LRRK2: variants seen among roughly 807,000 people sequenced by gnomAD.
LRRK2 encodes leucine rich repeat kinase 2, also known as leucine-rich repeat serine/threonine-protein kinase 2.
LRRK2 carries 203 observed loss-of-function variants against 302.6 expected under a neutral mutation model. The ratio of observed to expected loss-of-function variants is 0.67; its 90% CI spans 0.60 to 0.75. The LOEUF (loss-of-function observed/expected upper bound fraction) is 0.75. Ranked by LOEUF, LRRK2 falls within the 30% of genes least tolerant of loss-of-function variation. LRRK2 has a pLI of 0.00. For missense variants in LRRK2, 2,830 were observed against 2,951.0 expected, an observed-to-expected ratio of 0.96 and a Z score of 0.95; for synonymous variants, 1,066 against 1,031.9, an observed-to-expected ratio of 1.03 and a Z score of -0.63.
At chr12:40,305,758 G>T (rs1944796084) in intron 27 of LRRK2, 27 bp from the exon 28 acceptor site, 1 of 1,609,442 alleles carries the variant, frequency 6.2e-7, no homozygotes, top group African/African-American at 1.3e-5. Context: ...CCCACCAACA[G>T]GTTTTGCCCT....
intron 19 of LRRK2, among the ~76,000 whole-genome samples, chr12:40,285,456 G>T (rs1052970591): frequency 6.6e-6 from 1 of 151,946 alleles, no homozygotes; most frequent in African/African-American, 2.4e-5. Flanking sequence ...TGATAAGCAT[G>T]TGTGGAAACA....
intron 2 of LRRK2, among the ~76,000 whole-genome samples, chr12:40,226,145 T>G (rs1170232261): frequency 1.3e-5 from 2 of 152,210 alleles, no homozygotes; most frequent in Admixed American, 6.5e-5. Flanking sequence ...CCTTGTAGTA[T>G]CTAAAGAAAG....
At chr12:40,308,372 T>C in intron 28 of LRRK2, 95 bp from the exon 29 acceptor site, 1 of 908,594 alleles carries the variant, frequency 1.1e-6, no homozygotes, top group South Asian at 1.5e-5. Context: ...CTGGATACTA[T>C]ATTTTAGAAT....
At chr12:40,225,400 G>T (rs1592125010) in intron 1 of LRRK2, 118 bp downstream of exon 1, 1 of 1,335,202 alleles carries the variant, frequency 7.5e-7, no homozygotes, top group Non-Finnish European at 1.1e-6. Flanking sequence ...TTAAGGAGCC[G>T]CAAACTCCCA....
At chr12:40,330,447 A>G (rs1451558533) in intron 39 of LRRK2, among the ~76,000 whole-genome samples, 1 of 152,036 alleles carries the variant, frequency 6.6e-6, no homozygotes, top group Non-Finnish European at 1.5e-5. Flanking sequence ...GAAAACTGAA[A>G]ATTTGACCTT....
intron 33 of LRRK2, 79 bp from the exon 34 acceptor site, chr12:40,319,909 A>C: frequency 7.3e-7 from 1 of 1,369,838 alleles, no homozygotes; most frequent in Non-Finnish European, 1.0e-6. Flanking sequence ...TTCACTGAGC[A>C]AAGAGACATA....
chr12:40,243,503 G>A, intron 6 of LRRK2, 47 bp from the exon 7 acceptor site: 1 of 1,601,588 alleles, frequency 6.2e-7, no homozygotes. Context: ...ATATTTGAAA[G>A]GAGAACATGG....
intron 11 of LRRK2, 92 bp from the exon 12 acceptor site, chr12:40,257,156 G>A (rs573057175): frequency 1.2e-4 from 113 of 922,002 alleles, no homozygotes; most frequent in Admixed American, 3.9e-4. Flanking sequence ...ATGCTTTCCT[G>A]TAAATTTGGA....
At chr12:40,352,739 G>A (rs906941793) in intron 44 of LRRK2, among the ~76,000 whole-genome samples, 8 of 151,072 alleles carry the variant, frequency 5.3e-5, no homozygotes, top group African/African-American at 9.7e-5. Context: ...TTAACCCTGA[G>A]TGGACACAGC....
chr12:40,240,468 T>C lies in LRRK2; in HGVS notation c.572-15T>C. ...ATCTTTAAGCTTATTCAGTATTTTG[T>C]CTTTCATTTTTAAGTCTCAGAGGAG... On this transcript the variant is annotated splice_polypyrimidine_tract_variant and intron_variant, in intron 5 of 50. Transcript: ENST00000298910. 6.2e-7 allele frequency: 1 copy of C among 1,609,156 alleles called. No individual in the cohort carries two copies. Among genetic ancestry groups the C allele is most frequent in the East Asian group, 2.2e-5 (1 of 44,732 alleles).
chr12:40,253,456 G>T (rs915798533), intron 11 of LRRK2, among the ~76,000 whole-genome samples: 5 of 151,998 alleles, frequency 3.3e-5, no homozygotes, highest in Non-Finnish European at 7.4e-5. Flanking sequence ...CATGATCATG[G>T]CTCACTACAA....
intron 16 of LRRK2, among the ~76,000 whole-genome samples, chr12:40,277,393 G>C (rs1054072509): frequency 3.3e-5 from 5 of 152,092 alleles, no homozygotes; most frequent in African/African-American, 4.8e-5. Flanking sequence ...TGAAATCTAG[G>C]AGTCCACACT....
At chr12:40,243,514 T>C in intron 6 of LRRK2, 36 bp from the exon 7 acceptor site, 1 of 1,606,706 alleles carries the variant, frequency 6.2e-7, no homozygotes. Context: ...GAGAACATGG[T>C]TACCTTATTG....
rs571234683 is a variant in LRRK2, at chr12:40,290,688, A to G, written c.2690-2857A>G. On this transcript the variant is annotated intron_variant, in intron 20 of 50. Coordinates refer to ENST00000298910, the MANE Select transcript of LRRK2 (RefSeq NM_198578.4). ...CAAATTTATTTGTTTAATGTTACTT[A>G]TAGCAATTATTTAATTATCCTGTTA... is the stretch of plus-strand genomic sequence containing the variant. Among the ~76,000 whole-genome samples, 9 of 152,220 alleles carry G rather than the reference A, an allele frequency of 5.9e-5. No individual in the cohort carries two copies. In the East Asian group the frequency reaches 1.7e-3, roughly 29 times the overall value.
chr12:40,316,572 A>G (rs906544087), intron 33 of LRRK2, among the ~76,000 whole-genome samples: 1 of 152,052 alleles, frequency 6.6e-6, no homozygotes, highest in Non-Finnish European at 1.5e-5. Context: ...AGCTCTGTGA[A>G]ATTTCTTAAT....
At chr12:40,355,527 C>CCCTCCCTCCCTCCCTTCCTTCCTT (rs146145700) in intron 45 of LRRK2, among the ~76,000 whole-genome samples, 1 of 74,808 alleles carries the variant, frequency 1.3e-5, no homozygotes, top group Non-Finnish European at 2.8e-5. Context: ...CTCCCTCCCT[C>CCCTCCCTCCCTCCCTTCCTTCCTT]CCTTCCTTCC....
At chr12:40,354,882 G>A (rs1258416823) in intron 45 of LRRK2, among the ~76,000 whole-genome samples, 1 of 151,440 alleles carries the variant, frequency 6.6e-6, no homozygotes, top group African/African-American at 2.4e-5. Context: ...TTGTGTGCCA[G>A]GCTTAAACAT....
At chr12:40,328,711 A>T (rs2136916892) in intron 39 of LRRK2, among the ~76,000 whole-genome samples, 1 of 152,222 alleles carries the variant, frequency 6.6e-6, no homozygotes. Flanking sequence ...TTTTTGTAAG[A>T]CTCACTTACA....
chr12:40,309,278 C>T, intron 30 of LRRK2, 45 bp downstream of exon 30: 2 of 1,532,314 alleles, frequency 1.3e-6, no homozygotes, highest in Non-Finnish European at 1.7e-6. Flanking sequence ...ATTCATGTGT[C>T]TGTGTGCGTG....
Sources: gnomAD v4.1 joint callset for allele counts (sites outside exome capture counted in the v4.1 genomes callset) on GRCh38, gnomAD v4.1.1 for gene constraint, MANE v1.5 for transcripts, NCBI Gene and HGNC (gene_info 2026-07-23, HGNC 2026-07-21) for gene names.